Variants in KCNMA1 observed in about 807,000 individuals in gnomAD.
The protein encoded by KCNMA1 is Calcium-activated potassium channel subunit alpha-1.
Under a neutral mutation model 140.0 loss-of-function variants are expected in KCNMA1, and 29 were observed. The observed-to-expected ratio is 0.21, with a 90% confidence interval of 0.15 to 0.28. KCNMA1 has a LOEUF of 0.28. KCNMA1 is among the 10% of genes least tolerant of loss of function. The pLI, the probability that KCNMA1 is intolerant of heterozygous loss-of-function variation, is 1.00. For synonymous variants in KCNMA1, 612 were observed against 611.9 expected, an observed-to-expected ratio of 1.00 and a Z score of 0.00; for missense variants, 880 against 1,602.2, an observed-to-expected ratio of 0.55 and a Z score of 7.70.
intron 24 of KCNMA1, chr10:76,911,067 TAATTATTGTGA>T (rs1168811788): frequency 6.6e-6 from 1 of 152,212 alleles, no homozygotes; most frequent in Non-Finnish European, 1.5e-5. Flanking sequence ...ATTTCTGAAA[TAATTATTGTGA>T]TTTTAGGAAG....
chr10:77,051,477 T>C (rs11001997), intron 14 of KCNMA1, among the ~76,000 whole-genome samples: 12,515 of 152,172 alleles, frequency 0.082, 652 homozygotes, highest in Non-Finnish European at 0.12. Flanking sequence ...CAATCTCTTG[T>C]CAGTTAGAGA....
chr10:77,565,191 G>A (rs947095154), intron 1 of KCNMA1, among the ~76,000 whole-genome samples: 5 of 152,172 alleles, frequency 3.3e-5, no homozygotes, highest in African/African-American at 4.8e-5. Context: ...CCTCCTGCAA[G>A]TGGTTACCTT....
chr10:77,073,463 A>G (rs2096279822), intron 13 of KCNMA1, among the ~76,000 whole-genome samples: 1 of 152,050 alleles, frequency 6.6e-6, no homozygotes, highest in Non-Finnish European at 1.5e-5. Flanking sequence ...GCACCCACCA[A>G]GCCCAAGTCC....
intron 1 of KCNMA1, among the ~76,000 whole-genome samples, chr10:77,532,637 G>A (rs752429393): frequency 2.4e-4 from 36 of 152,276 alleles, no homozygotes; most frequent in Admixed American, 1.8e-3. Context: ...TATTTTTAAA[G>A]CAAAGTTAGG....
intron 1 of KCNMA1, among the ~76,000 whole-genome samples, chr10:77,410,909 C>T (rs2096604509): frequency 6.6e-6 from 1 of 152,276 alleles, no homozygotes. Context: ...GTGCTGTCTT[C>T]TCCGGAGTGT....
At chr10:77,372,512 T>G (rs2094809456) in intron 2 of KCNMA1, among the ~76,000 whole-genome samples, 1 of 152,186 alleles carries the variant, frequency 6.6e-6, no homozygotes, top group African/African-American at 2.4e-5. Context: ...CTTCCTTTAC[T>G]CAGCCAAGTC....
At chr10:77,419,006 T>C (rs1476333678) in intron 1 of KCNMA1, among the ~76,000 whole-genome samples, 1 of 152,180 alleles carries the variant, frequency 6.6e-6, no homozygotes, top group Non-Finnish European at 1.5e-5. Flanking sequence ...GTAACCTGAA[T>C]GCCAAGTTTA....
intron 2 of KCNMA1, among the ~76,000 whole-genome samples, chr10:77,362,982 C>A (rs1438763135): frequency 6.6e-6 from 1 of 152,222 alleles, no homozygotes; most frequent in Non-Finnish European, 1.5e-5. Flanking sequence ...GCTGGCTTAG[C>A]TTGCGCCGTC....
intron 1 of KCNMA1, among the ~76,000 whole-genome samples, chr10:77,538,813 T>C (rs1219687251): frequency 1.3e-5 from 2 of 152,210 alleles, no homozygotes; most frequent in Admixed American, 6.5e-5. Flanking sequence ...AAAAGGCATC[T>C]AATCCCATTG....
intron 1 of KCNMA1, among the ~76,000 whole-genome samples, chr10:77,622,431 G>T (rs1174711743): frequency 3.9e-5 from 6 of 152,172 alleles, no homozygotes; most frequent in African/African-American, 1.4e-4. Context: ...ATTTAAACTG[G>T]CTCTGCTCCT....
chr10:77,089,925 G>A (rs902559940), intron 10 of KCNMA1, among the ~76,000 whole-genome samples: 2 of 152,098 alleles, frequency 1.3e-5, no homozygotes, highest in African/African-American at 2.4e-5. Context: ...TCCCATGCTG[G>A]GGGTTCCTAG....
intron 1 of KCNMA1, among the ~76,000 whole-genome samples, chr10:77,435,100 A>ATT (rs143895513): frequency 4.3e-4 from 64 of 149,002 alleles, no homozygotes; most frequent in African/African-American, 1.3e-3. Context: ...ACACCTGGCT[A>ATT]TTTTTTTTTT....
chr10:76,930,070 C>T (rs889935105), intron 23 of KCNMA1: 10 of 152,008 alleles, frequency 6.6e-5, no homozygotes, highest in Non-Finnish European at 1.0e-4. Flanking sequence ...TTGGTCTGGG[C>T]GATGATTTCT....
intron 1 of KCNMA1, among the ~76,000 whole-genome samples, chr10:77,514,301 G>A (rs1430231350): frequency 6.6e-6 from 1 of 152,200 alleles, no homozygotes; most frequent in Non-Finnish European, 1.5e-5. Context: ...CCACGCCCTA[G>A]AAAATACTGG....
At chr10:77,066,360 G>C (rs935147659) in intron 14 of KCNMA1, among the ~76,000 whole-genome samples, 19 of 152,066 alleles carry the variant, frequency 1.2e-4, no homozygotes, top group Non-Finnish European at 1.8e-4. Flanking sequence ...GGTGTTTGAG[G>C]GCAAATAAAT....
chr10:77,600,795 A>G lies in KCNMA1; in HGVS notation c.378+36470T>C, dbSNP rs557916892. Reference sequence around the variant, plus strand: ...CACACACACATATGCGCACATGCACACACACACATACACAGACACACCTTG... The same window carrying G: ...CACACACACATATGCGCACATGCACGCACACACATACACAGACACACCTTG... On this transcript the variant is annotated intron_variant, in intron 1 of 27. Coordinates refer to ENST00000286628, the MANE Select transcript of KCNMA1 (RefSeq NM_001161352.2). 4.1e-4 allele frequency among the ~76,000 whole-genome samples: 63 copies of G among 152,250 alleles called. No individual in the cohort carries two copies. The South Asian group carries it at 0.013, about 31-fold the overall frequency.
intron 2 of KCNMA1, among the ~76,000 whole-genome samples, chr10:77,369,570 A>G (rs1265064362): frequency 1.3e-5 from 2 of 152,324 alleles, no homozygotes; most frequent in South Asian, 2.1e-4. Flanking sequence ...GGTTACTTCA[A>G]TGAGAATTTT....
chr10:77,117,993 C>T (rs1280993533), intron 6 of KCNMA1, among the ~76,000 whole-genome samples: 2 of 152,226 alleles, frequency 1.3e-5, no homozygotes, highest in African/African-American at 4.8e-5. Flanking sequence ...TTTCTGCCCA[C>T]CTTATGCTTC....
rs575507832 is a variant in KCNMA1, at chr10:77,637,773, G to A, written c.-131C>T. 9 of 1,299,964 alleles carry A rather than the reference G, an allele frequency of 6.9e-6. No homozygotes were observed. In the East Asian group the frequency reaches 9.6e-5, roughly 14 times the overall value. 80.5% of individuals were successfully genotyped at this position (1,299,964 alleles called of 1,614,324 possible). A position where few individuals can be genotyped will look rare whatever the true frequency, so the allele number is the denominator to read the frequency against. ...CCGCCGCCGCCGCGGAGCGCGGGAG[G>A]GGGGCGGGGAGGCGCCTGGGCTCGG... On this transcript the variant is annotated 5_prime_UTR_variant, in exon 1 of 28. Coordinates refer to ENST00000286628, the MANE Select transcript of KCNMA1 (RefSeq NM_001161352.2).
Sources: gnomAD v4.1 joint callset for allele counts (sites outside exome capture counted in the v4.1 genomes callset) on GRCh38, gnomAD v4.1.1 for gene constraint, MANE v1.5 for transcripts, NCBI Gene and HGNC (gene_info 2026-07-23, HGNC 2026-07-21) for gene names.